Variants in NEBL observed in about 807,000 individuals in gnomAD.
NEBL encodes nebulette, also known as LIM and SH3 protein 2.
Under a neutral mutation model 140.2 loss-of-function variants are expected in NEBL, and 122 were observed. The ratio of observed to expected loss-of-function variants is 0.87; its 90% CI spans 0.75 to 1.01. The LOEUF is 1.01. Ranked by LOEUF, NEBL falls within the 50% of genes least tolerant of loss-of-function variation. The probability of loss-of-function intolerance (pLI) is 0.00; values close to 1 mark genes in which losing one functional copy is unlikely to be tolerated. For synonymous variants in NEBL, 436 were observed against 398.9 expected (o/e 1.09, Z -1.11); for missense variants, 1,365 against 1,231.3 (o/e 1.11, Z -1.62).
chr10:20,897,595 C>A, upstream of NEBL: 2 of 1,010,692 alleles, frequency 2.0e-6, no homozygotes, highest in Non-Finnish European at 2.4e-6. Flanking sequence ...TCAGCTCTAA[C>A]ACTCAAGATA....
intron 12 of NEBL, among the ~76,000 whole-genome samples, chr10:20,843,396 C>T (rs534879967): frequency 6.6e-6 from 1 of 151,846 alleles, no homozygotes; most frequent in Non-Finnish European, 1.5e-5. Flanking sequence ...CTTTCCTACC[C>T]TGATGCATGT....
At chr10:20,903,002 C>T (rs1338174878) in intron 4 of NEBL, among the ~76,000 whole-genome samples, 1 of 152,190 alleles carries the variant, frequency 6.6e-6, no homozygotes, top group African/African-American at 2.4e-5. Context: ...ATTCCATAAA[C>T]TGTTGAAAAC....
chr10:21,025,710 G>A (rs1838999086), intron 2 of NEBL, among the ~76,000 whole-genome samples: 1 of 152,128 alleles, frequency 6.6e-6, no homozygotes, highest in Non-Finnish European at 1.5e-5. Flanking sequence ...AAGTGCCTGG[G>A]TTTGTACTTG....
At chr10:21,031,291 C>A (rs989551944) in intron 2 of NEBL, among the ~76,000 whole-genome samples, 3 of 152,160 alleles carry the variant, frequency 2.0e-5, no homozygotes. Context: ...ACCACAACTA[C>A]CCCAGGAAGA....
chr10:21,028,254 AAAGAAGAAG>A (rs55945604), intron 2 of NEBL, among the ~76,000 whole-genome samples: 1 of 70,332 alleles, frequency 1.4e-5, no homozygotes, highest in African/African-American at 5.6e-5. Flanking sequence ...AAAAAAAAAA[AAAGAAGAAG>A]AAGAAGAAGA....
At chr10:21,130,486 C>G (rs1589264958) in intron 2 of NEBL, among the ~76,000 whole-genome samples, 1 of 152,260 alleles carries the variant, frequency 6.6e-6, no homozygotes, top group East Asian at 1.9e-4. Flanking sequence ...TTCACCAAGA[C>G]AGACCACATT....
chr10:21,071,390 G>A (rs1421223155), intron 2 of NEBL, among the ~76,000 whole-genome samples: 1 of 151,898 alleles, frequency 6.6e-6, no homozygotes, highest in Non-Finnish European at 1.5e-5. Context: ...TTGTCCTCGA[G>A]TGAGTTGTTT....
At chr10:21,239,817 C>T (rs185488364) in intron 3 of NEBL, among the ~76,000 whole-genome samples, 25 of 152,072 alleles carry the variant, frequency 1.6e-4, no homozygotes, top group African/African-American at 5.1e-4. Flanking sequence ...GAGATCAAGA[C>T]CATCCTAGCT....
intron 3 of NEBL, among the ~76,000 whole-genome samples, chr10:21,233,772 T>A (rs566137457): frequency 1.4e-5 from 2 of 141,722 alleles, no homozygotes; most frequent in Non-Finnish European, 3.0e-5. Flanking sequence ...ATATTACATA[T>A]AAATGCATAT....
chr10:20,974,937 G>A (rs530763757), intron 3 of NEBL, among the ~76,000 whole-genome samples: 43 of 152,282 alleles, frequency 2.8e-4, no homozygotes, highest in Non-Finnish European at 5.4e-4. Flanking sequence ...ATGAGTTTGT[G>A]CTTCAGTTCA....
intron 2 of NEBL, among the ~76,000 whole-genome samples, chr10:21,056,113 T>C (rs1459121682): frequency 1.3e-5 from 2 of 152,210 alleles, no homozygotes; most frequent in Non-Finnish European, 2.9e-5. Flanking sequence ...CTAGGTCAGA[T>C]GTCTCTGCAT....
At chr10:20,939,389 G>C (rs1834708902) in intron 4 of NEBL, among the ~76,000 whole-genome samples, 1 of 152,178 alleles carries the variant, frequency 6.6e-6, no homozygotes, top group African/African-American at 2.4e-5. Flanking sequence ...AATGCTGAGA[G>C]ATTTTGTCAC....
intron 11 of NEBL, chr10:20,845,625 G>A: frequency 2.7e-6 from 1 of 370,764 alleles, no homozygotes; most frequent in East Asian, 5.3e-5. Context: ...TACTAGCCTA[G>A]GATTAATATC....
chr10:20,901,462 T>G (rs1847865460), upstream of NEBL, among the ~76,000 whole-genome samples: 1 of 152,148 alleles, frequency 6.6e-6, no homozygotes, highest in Non-Finnish European at 1.5e-5. Context: ...ATTTCACTTT[T>G]TTCTCCTTTT....
In NEBL at chr10:21,226,903, A is replaced by G. The variant is rs116551478; in HGVS notation, n.348+21018T>C. Among the ~76,000 whole-genome samples the G allele has an allele frequency of 4.4e-3, 665 of 152,210 alleles. 5 individuals carry two copies. The highest frequency in any genetic ancestry group is 0.015 in the African/African-American group (620 of 41,526). On this transcript the variant is annotated intron_variant and non_coding_transcript_variant, in intron 3 of 8. Transcript: ENST00000675702. ...GGATAGTGTTCAATTTGGTGCTCCC[A>G]TGGAAAGGACCATCACTGGAGGCTT...
chr10:21,158,443 C>G (rs1840420898), intron 2 of NEBL, among the ~76,000 whole-genome samples: 2 of 152,174 alleles, frequency 1.3e-5, no homozygotes, highest in Admixed American at 6.5e-5. Context: ...TTATTATCAG[C>G]AACTGAGACA....
chr10:21,039,194 T>C (rs891743784), intron 2 of NEBL, among the ~76,000 whole-genome samples: 1 of 151,964 alleles, frequency 6.6e-6, no homozygotes, highest in African/African-American at 2.4e-5. Flanking sequence ...ACTCTGATGA[T>C]AGTTTCTTTT....
chr10:20,963,998 A>T (rs1361120891), intron 3 of NEBL, among the ~76,000 whole-genome samples: 1 of 151,964 alleles, frequency 6.6e-6, no homozygotes, highest in Non-Finnish European at 1.5e-5. Context: ...ACTCCCACCC[A>T]CTTTCATCCT....
chr10:21,168,922 G>A (rs1171696414), intron 2 of NEBL, among the ~76,000 whole-genome samples: 8 of 149,860 alleles, frequency 5.3e-5, no homozygotes, highest in Admixed American at 2.0e-4. Flanking sequence ...GGTGGCGGGC[G>A]CCCCTAGTCC....
Sources: allele counts gnomAD v4.1 joint callset (sites outside exome capture counted in the v4.1 genomes callset), GRCh38; gene constraint gnomAD v4.1.1; transcripts MANE v1.5; gene names NCBI Gene and HGNC (gene_info 2026-07-23, HGNC 2026-07-21).